Variants in PPEF1 observed in about 807,000 individuals in gnomAD.
PPEF1 encodes serine/threonine-protein phosphatase with EF-hands 1.
In PPEF1, 12 loss-of-function variants were observed where a neutral mutation model predicts 53.3. That is an observed-to-expected ratio of 0.23 (90% confidence interval 0.14 to 0.36). The LOEUF is 0.36. PPEF1 is among the 10% of genes least tolerant of loss of function. The pLI is 1.00. For missense variants in PPEF1, 334 were observed against 490.4 expected, an observed-to-expected ratio of 0.68 and a Z score of 3.01; for synonymous variants, 165 against 176.7, an observed-to-expected ratio of 0.93 and a Z score of 0.52.
intron 4 of PPEF1, among the ~76,000 whole-genome samples, chrX:18,753,619 G>C (rs1385313574): frequency 2.7e-5 from 3 of 111,662 alleles, no homozygotes; most frequent in Admixed American, 9.5e-5. Flanking sequence ...TGCTTTTGCT[G>C]TATCCCATAA....
At chrX:18,822,003 C>T (rs1368393178) in intron 13 of PPEF1, among the ~76,000 whole-genome samples, 3 of 110,933 alleles carry the variant, frequency 2.7e-5, no homozygotes, top group East Asian at 2.9e-4. Context: ...GTTGGGTCTC[C>T]GGCTGGTGGG....
In PPEF1 at chrX:18,825,783, A is replaced by T. The variant is rs776206864; in HGVS notation, c.1698A>T (p.Arg566Ser). Residue 566 changes from arginine (R) to serine (S), a missense_variant, in exon 15 of 16, where the codon AGA becomes AGT. Transcript: ENST00000470157. ...CTACTCTAGTTGAAACTCTGTACAG[A>T]TACAGATCTGACCTGGAAATCATAT... ...AHSTLVETLY[R>S]YRSDLEIIFN... The T allele has an allele frequency of 8.3e-7, 1 of 1,204,260 alleles. No homozygotes were observed. The highest frequency in any genetic ancestry group is 3.0e-5 in the East Asian group (1 of 33,573).
intron 4 of PPEF1, among the ~76,000 whole-genome samples, chrX:18,751,342 T>G (rs778159419): frequency 8.9e-6 from 1 of 112,199 alleles, no homozygotes; most frequent in South Asian, 3.7e-4. Context: ...TTTACACTTA[T>G]GTCTGTGAAT....
intron 12 of PPEF1, among the ~76,000 whole-genome samples, chrX:18,810,246 C>A (rs1037497026): frequency 9.2e-5 from 10 of 108,773 alleles, no homozygotes; most frequent in Admixed American, 5.0e-4. Flanking sequence ...AAACAACATA[C>A]CATATTTATT....
chrX:18,743,355 A>C (rs2045231231), intron 3 of PPEF1, among the ~76,000 whole-genome samples: 1 of 110,675 alleles, frequency 9.0e-6, no homozygotes. Context: ...ATTCTGGTGA[A>C]TATCTAGTGG....
intron 3 of PPEF1, among the ~76,000 whole-genome samples, chrX:18,740,620 A>G (rs1204360728): frequency 8.2e-5 from 9 of 110,247 alleles, no homozygotes; most frequent in African/African-American, 3.0e-4. Flanking sequence ...AATGTTGACC[A>G]GGTTGGTCTT....
intron 12 of PPEF1, among the ~76,000 whole-genome samples, chrX:18,807,023 T>G (rs1010695205): frequency 2.5e-4 from 28 of 110,985 alleles, no homozygotes; most frequent in African/African-American, 3.9e-4. Flanking sequence ...TTGTTTGTTT[T>G]TTTTCATTTG....
At chrX:18,825,973 C>T in intron 15 of PPEF1, 138 bp downstream of exon 15, 1 of 390,439 alleles carries the variant, frequency 2.6e-6, no homozygotes, top group East Asian at 4.5e-5. Flanking sequence ...GGAGGCCTTG[C>T]TTATGCATAC....
intron 12 of PPEF1, among the ~76,000 whole-genome samples, chrX:18,811,415 C>T (rs1350524159): frequency 9.1e-6 from 1 of 109,558 alleles, no homozygotes; most frequent in Admixed American, 1.0e-4. Flanking sequence ...TGTAGTGTTG[C>T]GTTGTATTTC....
At chrX:18,781,132 G>A (rs1293323231) in intron 7 of PPEF1, among the ~76,000 whole-genome samples, 4 of 110,303 alleles carry the variant, frequency 3.6e-5, no homozygotes, top group Admixed American at 9.7e-5. Context: ...GGGGTACAGC[G>A]GCATCATTCA....
upstream of PPEF1, among the ~76,000 whole-genome samples, chrX:18,703,332 A>T (rs2044126314): frequency 8.9e-6 from 1 of 111,875 alleles, no homozygotes; most frequent in Admixed American, 9.5e-5. Flanking sequence ...ATTATAGCCA[A>T]TTTTTTCTAA....
At chrX:18,823,334 G>T (rs1412380628) in intron 13 of PPEF1, among the ~76,000 whole-genome samples, 1 of 111,376 alleles carries the variant, frequency 9.0e-6, no homozygotes, top group Non-Finnish European at 1.9e-5. Flanking sequence ...TCTATAATAA[G>T]CAAACCTAGG....
At chrX:18,756,324 C>T (rs1053976366) in intron 4 of PPEF1, among the ~76,000 whole-genome samples, 4 of 109,505 alleles carry the variant, frequency 3.7e-5, no homozygotes, top group Admixed American at 9.8e-5. Context: ...GGACTACAGG[C>T]GCGCCCCACC....
chrX:18,717,902 C>T (rs113961867), intron 1 of PPEF1, among the ~76,000 whole-genome samples: 4,309 of 111,765 alleles, frequency 0.039, 235 homozygotes, highest in African/African-American at 0.13. Context: ...CAGCCCACAT[C>T]ATATGCTCTA....
chrX:18,754,583 T>C (rs2045508917), intron 4 of PPEF1, among the ~76,000 whole-genome samples: 1 of 45,156 alleles, frequency 2.2e-5, no homozygotes, highest in South Asian at 5.8e-4. Context: ...CTGAGATTGT[T>C]TGTTCAGTTT....
intron 12 of PPEF1, among the ~76,000 whole-genome samples, chrX:18,811,587 GTA>G (rs59907227): frequency 0.22 from 9,331 of 43,192 alleles, 770 homozygotes; most frequent in East Asian, 0.47. Context: ...CACTTATTCA[GTA>G]TATATATATA....
chrX:18,701,744 C>G (rs764517731), intron 6 of PPEF1, among the ~76,000 whole-genome samples: 3 of 112,407 alleles, frequency 2.7e-5, no homozygotes, highest in Non-Finnish European at 5.6e-5. Flanking sequence ...AGTAAAGAAA[C>G]CTGTCCAGCT....
chrX:18,762,392 T>C (rs1248553985), intron 6 of PPEF1, among the ~76,000 whole-genome samples: 3 of 111,682 alleles, frequency 2.7e-5, no homozygotes, highest in African/African-American at 9.8e-5. Context: ...GTATCTCAGA[T>C]GGGTGGAAAG....
intron 9 of PPEF1, 50 bp from the exon 10 acceptor site, chrX:18,789,071 T>A: frequency 8.4e-7 from 1 of 1,184,238 alleles, no homozygotes; most frequent in Non-Finnish European, 1.1e-6. Context: ...AGTCTCTGTA[T>A]GTGGCAGAAT....
Sources: gnomAD v4.1 joint callset for allele counts (sites outside exome capture counted in the v4.1 genomes callset) on GRCh38, gnomAD v4.1.1 for gene constraint, MANE v1.5 for transcripts, NCBI Gene and HGNC (gene_info 2026-07-23, HGNC 2026-07-21) for gene names.